CAPS2: variants seen among roughly 807,000 people sequenced by gnomAD.
The protein encoded by CAPS2 is calcyphosin-2.
CAPS2 carries 98 observed loss-of-function variants against 86.5 expected under a neutral mutation model. The observed-to-expected ratio is 1.13, with a 90% CI of 0.96 to 1.34. The LOEUF (loss-of-function observed/expected upper bound fraction) is 1.34, where lower values mean the gene tolerates loss of function less well. Ranked by LOEUF, CAPS2 falls within the 40% of genes most tolerant of loss-of-function variation. CAPS2 has a pLI of 0.00. For synonymous variants in CAPS2, 210 were observed against 225.1 expected (o/e 0.93, Z 0.60); for missense variants, 729 against 686.8 (o/e 1.06, Z -0.69).
intron 1 of CAPS2, among the ~76,000 whole-genome samples, chr12:75,348,152 G>A (rs1294909872): frequency 1.3e-5 from 2 of 152,088 alleles, no homozygotes; most frequent in African/African-American, 4.8e-5. Context: ...GCTGATAATT[G>A]CATATCTAAA....
intron 1 of CAPS2, among the ~76,000 whole-genome samples, chr12:75,380,226 T>C (rs2044885100): frequency 6.6e-6 from 1 of 152,202 alleles, no homozygotes; most frequent in Non-Finnish European, 1.5e-5. Context: ...AATCGGCAAT[T>C]TCCTCTTAGC....
In CAPS2 at chr12:75,282,430, A is replaced by T. The variant is rs923270457; in HGVS notation, c.1516-83T>A. ...GAGACAGAGTCTCGCTCTGTCACCC[A>T]GACTGGAGTGCAATGGCGTGATCTC... On this transcript the variant is annotated intron_variant, in intron 15 of 16. Transcript: ENST00000393284. The T allele has an allele frequency of 1.7e-5, 15 of 870,854 alleles. No individual in the cohort carries two copies. In the African/African-American group the frequency reaches 2.3e-4, roughly 14 times the overall value. 53.9% of individuals were successfully genotyped at this position (870,854 alleles called of 1,614,324 possible).
At chr12:75,334,578 T>C, upstream of CAPS2, 1 of 1,437,902 alleles carries the variant, frequency 7.0e-7, no homozygotes, top group Non-Finnish European at 9.1e-7. Context: ...ACAGCGACAC[T>C]GACAAGTTGA....
At chr12:75,315,508 A>G (rs1593477972) in intron 6 of CAPS2, among the ~76,000 whole-genome samples, 1 of 152,188 alleles carries the variant, frequency 6.6e-6, no homozygotes, top group African/African-American at 2.4e-5. Context: ...CCAGAGATTG[A>G]TTATATATTA....
chr12:75,349,697 C>A (rs1377611607), intron 1 of CAPS2, among the ~76,000 whole-genome samples: 2 of 151,528 alleles, frequency 1.3e-5, no homozygotes, highest in Non-Finnish European at 2.9e-5. Context: ...TTAGACATTC[C>A]AGAAAAAAAG....
chr12:75,318,546 T>C (rs2039997868), intron 5 of CAPS2, among the ~76,000 whole-genome samples: 2 of 152,062 alleles, frequency 1.3e-5, no homozygotes, highest in Admixed American at 6.6e-5. Context: ...TCCTCAATAT[T>C]TCTTAAACAC....
intron 1 of CAPS2, among the ~76,000 whole-genome samples, chr12:75,389,207 G>C (rs1053924066): frequency 6.6e-6 from 1 of 152,150 alleles, no homozygotes; most frequent in African/African-American, 2.4e-5. Flanking sequence ...ATTAAAAATA[G>C]TATTCACCAC....
intron 15 of CAPS2, 60 bp from the exon 16 acceptor site, chr12:75,282,407 G>C: frequency 9.0e-7 from 1 of 1,114,758 alleles, no homozygotes. Context: ...TTTGCTTTGA[G>C]ACAGAGTCTC....
chr12:75,348,550 TAAG>T (rs1565972504), intron 1 of CAPS2, among the ~76,000 whole-genome samples: 1 of 152,196 alleles, frequency 6.6e-6, no homozygotes, highest in Non-Finnish European at 1.5e-5. Flanking sequence ...TCTTTTCTCT[TAAG>T]GAGACTAATC....
chr12:75,325,432 C>A, intron 1 of CAPS2, 144 bp from the exon 3 acceptor site: 1 of 702,484 alleles, frequency 1.4e-6, no homozygotes, highest in Non-Finnish European at 2.2e-6. Flanking sequence ...TATTAAGCCC[C>A]TTCCTACTGT....
intron 1 of CAPS2, among the ~76,000 whole-genome samples, chr12:75,374,435 A>G (rs1344476931): frequency 1.3e-5 from 2 of 152,204 alleles, no homozygotes; most frequent in African/African-American, 4.8e-5. Flanking sequence ...CTTAGAAGGA[A>G]TATCTCCACA....
intron 1 of CAPS2, among the ~76,000 whole-genome samples, chr12:75,335,189 C>T: frequency 6.6e-6 from 1 of 152,070 alleles, no homozygotes; most frequent in East Asian, 1.9e-4. Flanking sequence ...GTACTGAACA[C>T]AGGATTATTT....
chr12:75,329,904 A>C (rs1214282203), upstream of CAPS2: 2 of 1,533,438 alleles, frequency 1.3e-6, no homozygotes, highest in African/African-American at 2.8e-5. Flanking sequence ...CGAGGGGCAC[A>C]AGAGACAGTC....
At chr12:75,372,720 A>T (rs1271903349) in intron 1 of CAPS2, among the ~76,000 whole-genome samples, 1 of 152,198 alleles carries the variant, frequency 6.6e-6, no homozygotes, top group Non-Finnish European at 1.5e-5. Context: ...TAATTGGCGT[A>T]ATTATGACTT....
At chr12:75,321,695 C>A (rs1007319545) in intron 4 of CAPS2, 119 bp from the exon 5 acceptor site, 1 of 717,082 alleles carries the variant, frequency 1.4e-6, no homozygotes, top group African/African-American at 1.8e-5. Context: ...CCATTATAGT[C>A]AATGTTCTAA....
Position 75,286,314 on chromosome 12 carries a change from T to G in CAPS2, c.1396-1234A>C, listed in dbSNP as rs1593219548. On this transcript the variant is annotated intron_variant, in intron 14 of 16. Coordinates refer to ENST00000393284, the Ensembl canonical transcript of CAPS2. Reference sequence around the variant, plus strand: ...TACTGCACATTATGCAGACTTTAAGTGTCTGTGTAGTTAAACTGAAGATGA... The same window carrying G: ...TACTGCACATTATGCAGACTTTAAGGGTCTGTGTAGTTAAACTGAAGATGA... 1.3e-5 allele frequency among the ~76,000 whole-genome samples: 2 copies of G among 152,160 alleles called. 1 individual carries two copies. Among genetic ancestry groups the G allele is most frequent in the South Asian group, 4.1e-4 (2 of 4,824 alleles).
intron 15 of CAPS2, among the ~76,000 whole-genome samples, chr12:75,283,869 T>G (rs987312267): frequency 1.3e-5 from 2 of 151,992 alleles, no homozygotes; most frequent in African/African-American, 4.8e-5. Flanking sequence ...GGGAAGACCA[T>G]GTGAGGACAC....
intron 1 of CAPS2, among the ~76,000 whole-genome samples, chr12:75,353,133 A>G (rs2042924437): frequency 6.6e-6 from 1 of 152,200 alleles, no homozygotes; most frequent in South Asian, 2.1e-4. Context: ...GAAGACAAGA[A>G]AAAGCCAAGA....
chr12:75,369,988 T>C lies in CAPS2; in HGVS notation c.-395+20850A>G, dbSNP rs772098621. Reference sequence around the variant, plus strand: ...CTCCACAACTTATTATACCTAACCGTATGTATCAAAATATTTTAGTATTAA... The same window carrying C: ...CTCCACAACTTATTATACCTAACCGCATGTATCAAAATATTTTAGTATTAA... On this transcript the variant is annotated intron_variant, in intron 1 of 5. Coordinates refer to the CAPS2 transcript ENST00000551829. 12 of 1,088,402 alleles carry C rather than the reference T, an allele frequency of 1.1e-5. No individual in the cohort carries two copies. The South Asian group carries it at 1.5e-4, about 14-fold the overall frequency. 67.4% of individuals were successfully genotyped at this position (1,088,402 alleles called of 1,614,324 possible). A position where few individuals can be genotyped will look rare whatever the true frequency, so the allele number is the denominator to read the frequency against.
Sources: gnomAD v4.1 joint callset for allele counts (sites outside exome capture counted in the v4.1 genomes callset) on GRCh38, gnomAD v4.1.1 for gene constraint, MANE v1.5 for transcripts, NCBI Gene and HGNC (gene_info 2026-07-23, HGNC 2026-07-21) for gene names.